Variants in MTHFD2L observed in about 807,000 individuals in gnomAD.
MTHFD2L encodes the protein bifunctional methylenetetrahydrofolate dehydrogenase/cyclohydrolase 2, mitochondrial.
MTHFD2L carries 29 observed loss-of-function variants against 34.9 expected under a neutral mutation model. The ratio of observed to expected loss-of-function variants is 0.83; its 90% CI spans 0.62 to 1.13. The LOEUF is 1.13. Among genes scored for constraint, MTHFD2L ranks in the 50% most tolerant of loss-of-function variants. The pLI is 0.00. For missense variants in MTHFD2L, 481 were observed against 446.5 expected (o/e 1.08, Z -0.70); for synonymous variants, 167 against 155.7 (o/e 1.07, Z -0.54).
intron 6 of MTHFD2L, among the ~76,000 whole-genome samples, chr4:74,270,998 G>A (rs575762367): frequency 4.6e-5 from 7 of 152,018 alleles, no homozygotes; most frequent in African/African-American, 7.2e-5. Flanking sequence ...CATATCCTTC[G>A]CCCACTTGTT....
At chr4:74,143,330 C>A in intron 1 of MTHFD2L, 1 of 776,938 alleles carries the variant, frequency 1.3e-6, no homozygotes, top group Non-Finnish European at 1.6e-6. Flanking sequence ...TGGCTGGTGA[C>A]AGTGAAGGCA....
At chr4:74,255,140 A>G (rs57935899) in intron 6 of MTHFD2L, among the ~76,000 whole-genome samples, 8 of 146,614 alleles carry the variant, frequency 5.5e-5, no homozygotes, top group African/African-American at 2.1e-4. Context: ...CATCTCCAAA[A>G]AAAAAAAAAA....
chr4:74,218,815 A>G (rs992187764), intron 5 of MTHFD2L, among the ~76,000 whole-genome samples: 9 of 152,128 alleles, frequency 5.9e-5, no homozygotes, highest in African/African-American at 2.2e-4. Context: ...AGATTTTTAC[A>G]CAATAAAAAA....
intron 5 of MTHFD2L, among the ~76,000 whole-genome samples, chr4:74,210,849 C>T (rs1376852025): frequency 6.6e-6 from 1 of 152,014 alleles, no homozygotes; most frequent in East Asian, 1.9e-4. Context: ...TGTTTGTGTC[C>T]TCTCTTATTT....
intron 1 of MTHFD2L, among the ~76,000 whole-genome samples, chr4:74,136,337 T>A (rs1722928019): frequency 6.6e-6 from 1 of 151,972 alleles, no homozygotes; most frequent in Non-Finnish European, 1.5e-5. Context: ...CCAAGACTGA[T>A]CTAGCCAAAA....
intron 6 of MTHFD2L, among the ~76,000 whole-genome samples, chr4:74,237,671 AGGT>A: frequency 6.6e-6 from 1 of 152,270 alleles, no homozygotes; most frequent in East Asian, 1.9e-4. Flanking sequence ...TTTTCCTAGA[AGGT>A]AAGGAAGCTC....
chr4:74,279,324 GA>G (rs1175043976), intron 6 of MTHFD2L, among the ~76,000 whole-genome samples: 3 of 151,696 alleles, frequency 2.0e-5, no homozygotes, highest in African/African-American at 7.3e-5. Flanking sequence ...TAAATATTTT[GA>G]AATCCGAGAA....
chr4:74,281,324 C>CGT lies in MTHFD2L; in HGVS notation c.806-76_806-75dup, dbSNP rs3832298. ...TTTAAGGAACAATGTATTACACATACGTGTGTGTGTGTGTGTGTGTGTGTG... is the reference window on the plus strand; with the variant it reads ...TTTAAGGAACAATGTATTACACATACGTGTGTGTGTGTGTGTGTGTGTGTGTG... On this transcript the variant is annotated intron_variant, in intron 6 of 7. Coordinates refer to ENST00000325278, the MANE Select transcript of MTHFD2L (RefSeq NM_001144978.3). The CGT allele has an allele frequency of 7.2e-3, 6,225 of 861,438 alleles. 6 individuals carry two copies. Among genetic ancestry groups the CGT allele is most frequent in the South Asian group, 0.018 (947 of 52,550 alleles). The allele number at this position is 861,438 out of a possible 1,614,324, so 53.4% of individuals were successfully genotyped here.
Position 74,224,520 on chromosome 4 carries a change from C to CAGTCTT in MTHFD2L, c.713-779_713-774dup, listed in dbSNP as rs1442092327. 3.3e-5 allele frequency among the ~76,000 whole-genome samples: 5 copies of CAGTCTT among 152,110 alleles called. No homozygotes were observed. In the South Asian group the frequency reaches 6.2e-4, roughly 19 times the overall value. ...ACATCTTCCAGGAGAAGACAAGATG[C>CAGTCTT]AGTCTTAGCCGTATTCTTACCAGAA... On this transcript the variant is annotated intron_variant, in intron 5 of 7. Transcript: ENST00000325278.
chr4:74,293,851 C>A (rs1046515585), intron 7 of MTHFD2L, among the ~76,000 whole-genome samples: 5 of 152,120 alleles, frequency 3.3e-5, no homozygotes, highest in African/African-American at 1.2e-4. Context: ...TTTGAGAGGC[C>A]ACGCTTAAGT....
At chr4:74,293,534 A>G in intron 7 of MTHFD2L, 2 of 984,060 alleles carry the variant, frequency 2.0e-6, no homozygotes, top group Non-Finnish European at 2.4e-6. Flanking sequence ...AAACTTGTGG[A>G]AACCTCAAGA....
At chr4:74,235,041 A>G (rs746034945) in intron 6 of MTHFD2L, among the ~76,000 whole-genome samples, 2 of 152,064 alleles carry the variant, frequency 1.3e-5, no homozygotes, top group African/African-American at 4.8e-5. Context: ...CAAAGAAAAT[A>G]TTTACTCTTT....
intron 3 of MTHFD2L, among the ~76,000 whole-genome samples, chr4:74,189,965 C>A (rs189371353): frequency 6.1e-4 from 92 of 152,050 alleles, no homozygotes; most frequent in African/African-American, 1.9e-3. Context: ...ACCAGGTCAA[C>A]GAATATTTAC....
chr4:74,176,376 G>C (rs1471770487), intron 3 of MTHFD2L, among the ~76,000 whole-genome samples: 2 of 152,066 alleles, frequency 1.3e-5, no homozygotes, highest in Middle Eastern at 3.4e-3. Context: ...TCTTGTCTTT[G>C]TTTGCTGTTG....
At chr4:74,298,189 T>C (rs1370036208) in intron 7 of MTHFD2L, among the ~76,000 whole-genome samples, 2 of 152,104 alleles carry the variant, frequency 1.3e-5, no homozygotes, top group African/African-American at 4.8e-5. Context: ...TTTAAGCAAG[T>C]ATTTTAATAA....
chr4:74,225,221 G>C, intron 5 of MTHFD2L, 81 bp from the exon 6 acceptor site: 1 of 1,052,858 alleles, frequency 9.5e-7, no homozygotes, highest in Non-Finnish European at 1.4e-6. Context: ...TAGGAAATAA[G>C]TGAAACTCTT....
intron 3 of MTHFD2L, among the ~76,000 whole-genome samples, chr4:74,177,615 A>G (rs1729291371): frequency 6.6e-6 from 1 of 151,942 alleles, no homozygotes; most frequent in South Asian, 2.1e-4. Flanking sequence ...AGTGTCAAGG[A>G]TGTAGAGAAA....
chr4:74,296,052 T>C (rs1335483968), intron 7 of MTHFD2L, among the ~76,000 whole-genome samples: 1 of 152,112 alleles, frequency 6.6e-6, no homozygotes, highest in African/African-American at 2.4e-5. Flanking sequence ...GACTAAAAGC[T>C]CCATGAGGCA....
chr4:74,193,365 G>C (rs966375424), intron 3 of MTHFD2L, among the ~76,000 whole-genome samples: 62 of 152,110 alleles, frequency 4.1e-4, no homozygotes, highest in African/African-American at 1.5e-3. Flanking sequence ...TAGCTTTGTA[G>C]CAAGTCTTGA....
Sources: allele counts gnomAD v4.1 joint callset (sites outside exome capture counted in the v4.1 genomes callset), GRCh38; gene constraint gnomAD v4.1.1; transcripts MANE v1.5; gene names NCBI Gene and HGNC (gene_info 2026-07-23, HGNC 2026-07-21).